TUBA1C: variants seen among roughly 807,000 people sequenced by gnomAD.
The protein encoded by TUBA1C is tubulin alpha 1c, also known as tubulin alpha-1C chain.
Under a neutral mutation model 34.9 loss-of-function variants are expected in TUBA1C, and 16 were observed. The ratio of observed to expected loss-of-function variants is 0.46; its 90% confidence interval spans 0.31 to 0.70. The LOEUF (loss-of-function observed/expected upper bound fraction) is 0.70. Among genes scored for constraint, TUBA1C ranks in the 30% least tolerant of loss-of-function variants. The pLI is 0.05. For missense variants in TUBA1C, 329 were observed against 587.3 expected, an observed-to-expected ratio of 0.56 and a Z score of 4.55; for synonymous variants, 177 against 215.9, an observed-to-expected ratio of 0.82 and a Z score of 1.58.
chr12:49,235,617 T>G (rs906934422), intron 1 of TUBA1C, among the ~76,000 whole-genome samples: 2 of 151,788 alleles, frequency 1.3e-5, no homozygotes, highest in African/African-American at 4.8e-5. Flanking sequence ...CGCCTGTAAT[T>G]CCAGCTACTC....
chr12:49,255,801 C>T (rs1440320980), intron 1 of TUBA1C, among the ~76,000 whole-genome samples: 2 of 152,178 alleles, frequency 1.3e-5, no homozygotes, highest in Non-Finnish European at 2.9e-5. Context: ...CCTGACATCA[C>T]GTGATCCGCC....
At chr12:49,249,887 T>C (rs1272597929) in intron 1 of TUBA1C, among the ~76,000 whole-genome samples, 3 of 151,128 alleles carry the variant, frequency 2.0e-5, no homozygotes, top group African/African-American at 4.9e-5. Context: ...AATAATAAGA[T>C]TAGCCAAGCG....
chr12:49,258,500 T>A (rs10875939), intron 1 of TUBA1C, among the ~76,000 whole-genome samples: 56,881 of 151,926 alleles, frequency 0.37, 12,848 homozygotes, highest in East Asian at 0.71. Context: ...TGATCTGGGC[T>A]CACTGCAACC....
chr12:49,242,031 C>T (rs1942622594), intron 1 of TUBA1C, among the ~76,000 whole-genome samples: 3 of 150,698 alleles, frequency 2.0e-5, no homozygotes, highest in African/African-American at 4.9e-5. Context: ...TTCTTGTTGC[C>T]CAGGCTGGAG....
chr12:49,232,914 AC>A (rs1942511981), intron 1 of TUBA1C: 1 of 152,210 alleles, frequency 6.6e-6, no homozygotes, highest in Admixed American at 6.5e-5. Context: ...AAATAGTTTG[AC>A]CCTGCATTTC....
At chr12:49,265,242 C>T (rs1295905903) in intron 1 of TUBA1C, 58 bp downstream of exon 1, 29 of 1,482,608 alleles carry the variant, frequency 2.0e-5, no homozygotes, top group Non-Finnish European at 2.2e-5. Context: ...ACGGCGGGCC[C>T]GGAAACTACT....
In TUBA1C at chr12:49,250,014, G is replaced by A. The variant is rs1243175940; in HGVS notation, c.214-19451G>A. Among the ~76,000 whole-genome samples the A allele has an allele frequency of 2.0e-5, 3 of 151,212 alleles. No homozygotes were observed. In the East Asian group the frequency reaches 5.8e-4, roughly 29 times the overall value. ...GAGTTTGAGACCAGCCTGGCCCAAC[G>A]TGGTGAAACCCCATCTCTACTAAAA... On this transcript the variant is annotated intron_variant, in intron 1 of 3. Coordinates refer to the TUBA1C transcript ENST00000541364.
intron 1 of TUBA1C, among the ~76,000 whole-genome samples, chr12:49,246,943 C>G (rs1942675781): frequency 6.6e-6 from 1 of 151,724 alleles, no homozygotes; most frequent in African/African-American, 2.4e-5. Context: ...AGCTCGAGAC[C>G]AGCCTGACCA....
intron 1 of TUBA1C, chr12:49,233,406 G>A (rs1942517243): frequency 6.6e-6 from 1 of 152,000 alleles, no homozygotes; most frequent in Admixed American, 6.6e-5. Flanking sequence ...GCCCTTTTTT[G>A]TCCTCCAAAC....
At chr12:49,231,038 T>C (rs1464571724) in intron 1 of TUBA1C, among the ~76,000 whole-genome samples, 4 of 152,210 alleles carry the variant, frequency 2.6e-5, no homozygotes, top group African/African-American at 9.7e-5. Flanking sequence ...TTTAGAAAGG[T>C]TGCACCATCT....
chr12:49,232,878 A>G (rs1017078631), intron 1 of TUBA1C: 5 of 152,156 alleles, frequency 3.3e-5, no homozygotes, highest in African/African-American at 1.2e-4. Context: ...TCAGAATACA[A>G]ACTTAACGGC....
intron 1 of TUBA1C, among the ~76,000 whole-genome samples, chr12:49,268,333 A>G (rs1942943267): frequency 6.6e-6 from 1 of 151,948 alleles, no homozygotes; most frequent in Admixed American, 6.6e-5. Flanking sequence ...TCCTGACCTC[A>G]GATGATCCAC....
At position 49,265,143 on chromosome 12, in the gene TUBA1C, C is replaced by CG. The variant is rs746658001; in HGVS notation, c.-38dup. The CG allele has an allele frequency of 6.3e-7, 1 of 1,597,392 alleles. No individual in the cohort carries two copies. The highest frequency in any genetic ancestry group is 1.1e-5 in the South Asian group (1 of 89,168). On this transcript the variant is annotated 5_prime_UTR_variant, in exon 1 of 4. Coordinates refer to ENST00000301072, the MANE Select transcript of TUBA1C (RefSeq NM_032704.5). ...TGGGAGATCCTTGTTGCCGTCCCTTCGCCTCCTTCACCGCCGCAGACCCCT... is the reference window on the plus strand; with the variant it reads ...TGGGAGATCCTTGTTGCCGTCCCTTCGGCCTCCTTCACCGCCGCAGACCCCT...
At chr12:49,240,265 T>C (rs1420243488) in intron 1 of TUBA1C, among the ~76,000 whole-genome samples, 3 of 149,256 alleles carry the variant, frequency 2.0e-5, no homozygotes, top group Admixed American at 2.0e-4. Context: ...TGTTCTATAA[T>C]TGGGCTTTTG....
Position 49,272,529 on chromosome 12 carries a change from G to A in TUBA1C, c.652G>A (p.Asp218Asn), listed in dbSNP as rs780513922. The change falls in exon 4 of 4, where the codon GAT becomes AAT. Residue 218 changes from aspartate (D) to asparagine (N), a missense_variant. Coordinates refer to ENST00000301072, the MANE Select transcript of TUBA1C (RefSeq NM_032704.5). ...CTATGACATCTGTCGTAGAAACCTC[G>A]ATATCGAGCGCCCAACCTACACTAA... ...AIYDICRRNLDIERPTYTNLN... is the reference protein window; with the variant it reads ...AIYDICRRNLNIERPTYTNLN... The A allele has an allele frequency of 3.6e-5, 58 of 1,608,756 alleles. No homozygotes were observed. Among genetic ancestry groups the A allele is most frequent in the Middle Eastern group, 2.1e-4 (1 of 4,714 alleles).
At chr12:49,264,218 T>C (rs1354207427), upstream of TUBA1C, among the ~76,000 whole-genome samples, 4 of 128,500 alleles carry the variant, frequency 3.1e-5, no homozygotes, top group East Asian at 1.0e-3. Flanking sequence ...AGACTCCGTC[T>C]CAAAAAAAAA....
chr12:49,270,578 A>G (rs1212196244), intron 3 of TUBA1C, among the ~76,000 whole-genome samples: 1 of 152,240 alleles, frequency 6.6e-6, no homozygotes, highest in Non-Finnish European at 1.5e-5. Flanking sequence ...AAGCCCAGCC[A>G]TGACTGCTCC....
At chr12:49,257,596 C>T (rs773476676) in intron 1 of TUBA1C, among the ~76,000 whole-genome samples, 3 of 151,674 alleles carry the variant, frequency 2.0e-5, no homozygotes, top group Non-Finnish European at 2.9e-5. Context: ...GTCTGGACAA[C>T]AGCAAGACCC....
At chr12:49,243,988 A>G (rs978730168) in intron 1 of TUBA1C, among the ~76,000 whole-genome samples, 6 of 151,936 alleles carry the variant, frequency 3.9e-5, no homozygotes, top group Non-Finnish European at 7.4e-5. Context: ...CGTATCTACA[A>G]ATAATTTAAA....
Sources: gnomAD v4.1 joint callset for allele counts (sites outside exome capture counted in the v4.1 genomes callset) on GRCh38, gnomAD v4.1.1 for gene constraint, MANE v1.5 for transcripts, NCBI Gene and HGNC (gene_info 2026-07-23, HGNC 2026-07-21) for gene names.